KLF8: variants seen among roughly 807,000 people sequenced by gnomAD.
KLF8 encodes Krueppel-like factor 8.
Under a neutral mutation model 18.2 loss-of-function variants are expected in KLF8, and 10 were observed. The ratio of observed to expected loss-of-function variants is 0.55; its 90% confidence interval spans 0.34 to 0.93. The LOEUF is 0.93. Among genes scored for constraint, KLF8 ranks in the 40% least tolerant of loss-of-function variants. The pLI, the probability that KLF8 is intolerant of heterozygous loss-of-function variation, is 0.02. For synonymous variants in KLF8, 109 were observed against 97.3 expected (o/e 1.12, Z -0.71); for missense variants, 264 against 277.9 (o/e 0.95, Z 0.36).
the KLF8 span, among the ~76,000 whole-genome samples, chrX:56,128,691 C>T: frequency 1.8e-5 from 2 of 111,853 alleles, no homozygotes; most frequent in Non-Finnish European, 3.8e-5. Context: ...CAGATACTCC[C>T]ATGTAATGTA....
Position 56,232,690 on chromosome X carries a change from T to A in KLF8, c.-645T>A, listed in dbSNP as rs1037950330. ...ATTTTTTTCCTCCCTTCTTTCTTTT[T>A]AGGAAGGCGCTGGGGTGTGCGGCGG... On this transcript the variant is annotated 5_prime_UTR_variant, in exon 1 of 6. It introduces an in-frame stop codon into an upstream open reading frame of the 5' UTR. Coordinates refer to ENST00000468660, the MANE Select transcript of KLF8 (RefSeq NM_007250.5). The A allele has an allele frequency of 9.0e-6, 1 of 111,605 alleles. No individual in the cohort carries two copies. Among genetic ancestry groups the A allele is most frequent in the Non-Finnish European group, 1.9e-5 (1 of 53,167 alleles). The allele number at this position is 111,605 out of a possible 1,213,427, so 9.2% of individuals were successfully genotyped here.
chrX:56,116,211 T>C, the KLF8 span, among the ~76,000 whole-genome samples: 1 of 112,961 alleles, frequency 8.9e-6, no homozygotes, highest in Non-Finnish European at 1.9e-5. Flanking sequence ...GCTGCAAGCC[T>C]GAATGCTCAT....
At chrX:56,155,706 T>G in the KLF8 span, among the ~76,000 whole-genome samples, 1 of 111,655 alleles carries the variant, frequency 9.0e-6, no homozygotes, top group Non-Finnish European at 1.9e-5. Context: ...CATTATAGAT[T>G]TGTTACATTA....
the KLF8 span, among the ~76,000 whole-genome samples, chrX:56,208,499 T>C: frequency 2.7e-5 from 3 of 111,946 alleles, no homozygotes; most frequent in African/African-American, 9.7e-5. Context: ...TTATTTTTTT[T>C]CTACTAAGTT....
intron 5 of KLF8, among the ~76,000 whole-genome samples, chrX:56,278,377 C>T (rs1188768829): frequency 9.0e-6 from 1 of 110,658 alleles, no homozygotes; most frequent in African/African-American, 3.3e-5. Context: ...ATGCGTCCTG[C>T]CAGAACTGGG....
At chrX:55,957,069 A>G in the KLF8 span, among the ~76,000 whole-genome samples, 1 of 110,961 alleles carries the variant, frequency 9.0e-6, no homozygotes, top group Non-Finnish European at 1.9e-5. Context: ...ATTTTTGTAT[A>G]TGGTGTAAGA....
At chrX:55,970,775 T>C in the KLF8 span, among the ~76,000 whole-genome samples, 2 of 110,954 alleles carry the variant, frequency 1.8e-5, no homozygotes, top group East Asian at 5.6e-4. Flanking sequence ...TAGCAAACAA[T>C]CTCAAAAAGA....
the KLF8 span, among the ~76,000 whole-genome samples, chrX:55,962,967 G>A: frequency 8.9e-6 from 1 of 112,443 alleles, no homozygotes; most frequent in Non-Finnish European, 1.9e-5. Flanking sequence ...CCATATTGCA[G>A]AAATTGCATT....
At chrX:56,046,378 C>G in the KLF8 span, among the ~76,000 whole-genome samples, 1 of 111,057 alleles carries the variant, frequency 9.0e-6, no homozygotes, top group African/African-American at 3.3e-5. Context: ...GTTATTAGTA[C>G]TTTGGAACAC....
the KLF8 span, among the ~76,000 whole-genome samples, chrX:56,218,786 G>T: frequency 8.9e-6 from 1 of 111,857 alleles, no homozygotes; most frequent in Non-Finnish European, 1.9e-5. Flanking sequence ...GCTGTAAAAG[G>T]CTTTTTGAGG....
chrX:56,002,784 C>T, the KLF8 span, among the ~76,000 whole-genome samples: 1 of 111,983 alleles, frequency 8.9e-6, no homozygotes, highest in East Asian at 2.8e-4. Context: ...TTGAAGACTC[C>T]ATATGGCTAT....
the KLF8 span, among the ~76,000 whole-genome samples, chrX:56,190,346 G>C: frequency 9.0e-6 from 1 of 111,251 alleles, no homozygotes; most frequent in Admixed American, 9.6e-5. Flanking sequence ...TATCATTAGA[G>C]CTAAAAAAGA....
chrX:56,192,704 A>C, the KLF8 span, among the ~76,000 whole-genome samples: 1 of 112,345 alleles, frequency 8.9e-6, no homozygotes, highest in Non-Finnish European at 1.9e-5. Context: ...AATAACATAA[A>C]TTGGGGAATG....
the KLF8 span, among the ~76,000 whole-genome samples, chrX:56,163,278 A>G: frequency 2.7e-5 from 3 of 111,638 alleles, no homozygotes; most frequent in Admixed American, 9.6e-5. Flanking sequence ...CTTTTTAATG[A>G]TAGTCATTCT....
At chrX:56,253,934 T>TC (rs1241354569) in intron 2 of KLF8, among the ~76,000 whole-genome samples, 1 of 105,633 alleles carries the variant, frequency 9.5e-6, no homozygotes, top group Non-Finnish European at 1.9e-5. Flanking sequence ...CTAATTTTTT[T>TC]TTTTTTTTTT....
chrX:56,247,331 G>A (rs1049380288), intron 1 of KLF8, among the ~76,000 whole-genome samples: 2 of 111,738 alleles, frequency 1.8e-5, no homozygotes, highest in African/African-American at 6.5e-5. Context: ...TTAACATGAA[G>A]GAAACTTGCA....
At chrX:55,940,179 A>G in the KLF8 span, among the ~76,000 whole-genome samples, 3 of 112,191 alleles carry the variant, frequency 2.7e-5, no homozygotes, top group South Asian at 1.1e-3. Context: ...CTAATCCACC[A>G]TGATCACGTG....
At chrX:56,160,450 C>A in the KLF8 span, among the ~76,000 whole-genome samples, 1 of 111,093 alleles carries the variant, frequency 9.0e-6, no homozygotes. Context: ...TCCTTGTTAA[C>A]TTTCTGTCTC....
the KLF8 span, among the ~76,000 whole-genome samples, chrX:56,096,914 A>G: frequency 9.0e-6 from 1 of 111,660 alleles, no homozygotes; most frequent in African/African-American, 3.2e-5. Context: ...AAATGACACT[A>G]AAAGAACATT....
Sources: allele counts gnomAD v4.1 joint callset (sites outside exome capture counted in the v4.1 genomes callset), GRCh38; gene constraint gnomAD v4.1.1; transcripts MANE v1.5; gene names NCBI Gene and HGNC (gene_info 2026-07-23, HGNC 2026-07-21).